RMND5B: variants seen among roughly 807,000 people sequenced by gnomAD.
RMND5B encodes required for meiotic nuclear division 5 homolog B.
In RMND5B, 42 loss-of-function variants were observed where a neutral mutation model predicts 50.4. That is an observed-to-expected ratio of 0.83 (90% CI 0.65 to 1.08). RMND5B has a LOEUF of 1.08. Among genes scored for constraint, RMND5B ranks in the 50% least tolerant of loss-of-function variants. RMND5B has a pLI of 0.00. For synonymous variants in RMND5B, 220 were observed against 210.0 expected, an observed-to-expected ratio of 1.05 and a Z score of -0.41; for missense variants, 463 against 508.5, an observed-to-expected ratio of 0.91 and a Z score of 0.86.
In RMND5B at chr5:178,144,003, C is replaced by T; in HGVS notation, c.589C>T (p.His197Tyr). ...CAACAGCTCCCTGGAGTTCAAGCTG[C>T]ACCGACTGCACTTCATCCGCCTCTT... Reference protein sequence around the residue: ...ELNSSLEFKLHRLHFIRLLAG... With the variant: ...ELNSSLEFKLYRLHFIRLLAG... Residue 197 changes from histidine to tyrosine, a missense_variant, in exon 7 of 11, where the codon CAC (histidine) becomes TAC (tyrosine). Transcript: ENST00000313386. 1 of 1,614,266 alleles carries T rather than the reference C, an allele frequency of 6.2e-7. No homozygotes were observed. Among genetic ancestry groups the T allele is most frequent in the East Asian group, 2.2e-5 (1 of 44,886 alleles).
chr5:178,132,889 C>CGG lies in RMND5B; in HGVS notation c.-13+1513_-13+1514insGG, dbSNP rs1554096809. The stretch of plus-strand genomic sequence containing the variant: ...TGTTTGTTTGTTTGTTTTTTTGAGA[C>CGG]AGTCTCACTCTGTCGCCCAGGCTGG... On this transcript the variant is annotated intron_variant, in intron 2 of 10. Coordinates refer to ENST00000313386, the MANE Select transcript of RMND5B (RefSeq NM_022762.5). Among the ~76,000 whole-genome samples, 14 of 148,166 alleles carry CGG rather than the reference C, an allele frequency of 9.4e-5. No homozygotes were observed. The East Asian group carries it at 2.4e-3, about 25-fold the overall frequency.
chr5:178,148,468 C>G lies in RMND5B; in HGVS notation c.*436C>G, dbSNP rs887204874. 2.0e-5 allele frequency: 5 copies of G among 250,792 alleles called. No homozygotes were observed. The highest frequency in any genetic ancestry group is 5.1e-5 in the Admixed American group (1 of 19,762). The allele number at this position is 250,792 out of a possible 1,614,324, so 15.5% of individuals were successfully genotyped here. A position where few individuals can be genotyped will look rare whatever the true frequency, so the allele number is the denominator to read the frequency against. On this transcript the variant is annotated 3_prime_UTR_variant, in exon 11 of 11. Transcript: ENST00000313386. ...GGCCCACCTCTTCCTCCCACTACAGCCTCAACAGTATGTACCATCTCCCAC... is the reference window on the plus strand; with the variant it reads ...GGCCCACCTCTTCCTCCCACTACAGGCTCAACAGTATGTACCATCTCCCAC...
intron 3 of RMND5B, among the ~76,000 whole-genome samples, chr5:178,140,718 T>C (rs1193985204): frequency 6.6e-6 from 1 of 151,652 alleles, no homozygotes; most frequent in Non-Finnish European, 1.5e-5. Flanking sequence ...TAGTCCCAGC[T>C]ACTTGGGAGG....
Position 178,149,853 on chromosome 5 carries a change from G to A in RMND5B, c.*1821G>A, listed in dbSNP as rs755971433. 19 of 1,612,854 alleles carry A rather than the reference G, an allele frequency of 1.2e-5. No individual in the cohort carries two copies. Among genetic ancestry groups the A allele is most frequent in the Non-Finnish European group, 1.5e-5 (18 of 1,179,390 alleles). On this transcript the variant is annotated 3_prime_UTR_variant, in exon 11 of 11. Coordinates refer to ENST00000313386, the MANE Select transcript of RMND5B (RefSeq NM_022762.5). ...GCACCCAGGTCCTACAGAGGGGAAAGAAGTGCTGTTTGGAAAAAAGCTGTA... is the reference window on the plus strand; with the variant it reads ...GCACCCAGGTCCTACAGAGGGGAAAAAAGTGCTGTTTGGAAAAAAGCTGTA...
Position 178,138,156 on chromosome 5 carries a change from A to G in RMND5B, c.37A>G (p.Lys13Glu). 1 of 1,612,250 alleles carries G rather than the reference A, an allele frequency of 6.2e-7. No individual in the cohort carries two copies. The highest frequency in any genetic ancestry group is 8.5e-7 in the Non-Finnish European group (1 of 1,179,236). Residue 13 changes from lysine to glutamate, a missense_variant, in exon 3 of 11, where the codon AAG becomes GAG. Physicochemically the swap from Lys to Glu is moderately conservative, Grantham distance 56 (BLOSUM62 1). Coordinates refer to ENST00000313386, the MANE Select transcript of RMND5B (RefSeq NM_022762.5). The surrounding 1 kb of genome is among the most constrained non-coding windows in gnomAD (Gnocchi z 5.1). ...TGCGTGCGTGGAGAGAGAGCTGGAC[A>G]AGGTCCTGCAGAAGTTCCTGACCTA... The part of the protein sequence containing the change: ...QCACVERELD[K>E]VLQKFLTYGQ...
At position 178,149,058 on chromosome 5, in the gene RMND5B, G is replaced by C. The variant is rs963980660; in HGVS notation, c.*1026G>C. On this transcript the variant is annotated 3_prime_UTR_variant, in exon 11 of 11. Coordinates refer to ENST00000313386, the MANE Select transcript of RMND5B (RefSeq NM_022762.5). ...CCATTATGTTAAGCAAGAGAGCTCGGGGGAATGCATTTTAGCTTCATATTC... is the reference window on the plus strand; with the variant it reads ...CCATTATGTTAAGCAAGAGAGCTCGCGGGAATGCATTTTAGCTTCATATTC... The C allele has an allele frequency of 6.6e-6, 1 of 152,436 alleles. No homozygotes were observed. Among genetic ancestry groups the C allele is most frequent in the African/African-American group, 2.4e-5 (1 of 41,458 alleles). 9.4% of individuals were successfully genotyped at this position (152,436 alleles called of 1,614,324 possible).
rs945095702 is a variant in RMND5B at position 178,148,093 on chromosome 5, G to C, written c.*61G>C. 1.4e-5 allele frequency: 22 copies of C among 1,544,052 alleles called. No homozygotes were observed. The highest frequency in any genetic ancestry group is 1.9e-5 in the Non-Finnish European group (21 of 1,116,714). On this transcript the variant is annotated 3_prime_UTR_variant, in exon 11 of 11. Coordinates refer to ENST00000313386, the MANE Select transcript of RMND5B (RefSeq NM_022762.5). Reference sequence around the variant, plus strand: ...TCACCTGTGAGCCTTGGTCTGTCTCGGTAGGGTGGTCAACTTCAGTGGACT... The same window carrying C: ...TCACCTGTGAGCCTTGGTCTGTCTCCGTAGGGTGGTCAACTTCAGTGGACT...
At position 178,149,903 on chromosome 5, in the gene RMND5B, AACT is replaced by A; in HGVS notation, c.*1872_*1874del. The A allele has an allele frequency of 6.3e-7, 1 of 1,575,284 alleles. No homozygotes were observed. The highest frequency in any genetic ancestry group is 8.7e-7 in the Non-Finnish European group (1 of 1,151,692). The stretch of plus-strand genomic sequence containing the variant: ...ACAACCTGTATGCCAGGAAGTCACC[AACT>A]GATGACCCACCAGCCTAATCTGGCC... On this transcript the variant is annotated 3_prime_UTR_variant, in exon 11 of 11. Transcript: ENST00000313386.
At chr5:178,146,412 T>C in intron 8 of RMND5B, 133 bp downstream of exon 8, 1 of 792,228 alleles carries the variant, frequency 1.3e-6, no homozygotes, top group Non-Finnish European at 2.0e-6. Flanking sequence ...TTAGTCATTC[T>C]TCAGGAGAGG....
chr5:178,137,541 TAGAC>T lies in RMND5B; in HGVS notation c.-12-564_-12-561del, dbSNP rs894473190. 1.3e-3 allele frequency among the ~76,000 whole-genome samples: 205 copies of T among 151,864 alleles called. No homozygotes were observed. The highest frequency in any genetic ancestry group is 4.7e-3 in the African/African-American group (196 of 41,388). On this transcript the variant is annotated intron_variant, in intron 2 of 10. Coordinates refer to ENST00000313386, the MANE Select transcript of RMND5B (RefSeq NM_022762.5). This position sits in a 1 kb window ranked among gnomAD's most constrained non-coding sequence, Gnocchi z 4.4. ...GTCTCTACGAAAAAAAATTTTAAAT[TAGAC>T]AGGTGTAGAAGCACACTCCTGTGGT...
chr5:178,150,449 T>C lies in RMND5B; in HGVS notation c.*2417T>C, dbSNP rs1756246333. 1 of 352,040 alleles carries C rather than the reference T, an allele frequency of 2.8e-6. No homozygotes were observed. Among genetic ancestry groups the C allele is most frequent in the Non-Finnish European group, 5.6e-6 (1 of 178,784 alleles). 21.8% of individuals were successfully genotyped at this position (352,040 alleles called of 1,614,324 possible). Reference sequence around the variant, plus strand: ...TCTGGAGTGTGGTGGTGTATGATCATGGCTCACTGCAGCCTTGAACTCCTG... The same window carrying C: ...TCTGGAGTGTGGTGGTGTATGATCACGGCTCACTGCAGCCTTGAACTCCTG... On this transcript the variant is annotated 3_prime_UTR_variant, in exon 11 of 11. Coordinates refer to ENST00000313386, the MANE Select transcript of RMND5B (RefSeq NM_022762.5).
At chr5:178,140,500 A>G (rs1279742019) in intron 3 of RMND5B, among the ~76,000 whole-genome samples, 1 of 151,960 alleles carries the variant, frequency 6.6e-6, no homozygotes, top group Non-Finnish European at 1.5e-5. Context: ...CTTAGTTAAG[A>G]TGGTCGCTGC....
intron 2 of RMND5B, chr5:178,135,938 G>A (rs1386628239): frequency 1.3e-5 from 2 of 152,182 alleles, no homozygotes; most frequent in African/African-American, 4.8e-5. Flanking sequence ...CACGAGCTCT[G>A]TGGTTAATTT....
Position 178,147,870 on chromosome 5 carries a change from A to G in RMND5B, c.1105A>G (p.Ile369Val). ...VISRDALNKL[I>V]NGGKLKCPYC... ...CTCCCGAGATGCACTCAATAAGCTCATTAATGGAGGAAAGTAAGTTCCCCG... is the reference window on the plus strand; with the variant it reads ...CTCCCGAGATGCACTCAATAAGCTCGTTAATGGAGGAAAGTAAGTTCCCCG... Residue 369 changes from isoleucine (I) to valine (V), a missense_variant, in exon 10 of 11, where the codon ATT (isoleucine) becomes GTT (valine). Physicochemically the swap from Ile to Val is conservative, Grantham distance 29. Transcript: ENST00000313386. The G allele has an allele frequency of 1.2e-6, 2 of 1,613,720 alleles. No individual in the cohort carries two copies. The highest frequency in any genetic ancestry group is 2.2e-5 in the South Asian group (2 of 91,064).
rs748888712 is a variant in RMND5B, at chr5:178,147,800, G to A, written c.1035G>A (p.Thr345=). Residue 345 remains threonine (T), a synonymous_variant, in exon 10 of 11, where the codon ACG becomes ACA. Coordinates refer to ENST00000313386, the MANE Select transcript of RMND5B (RefSeq NM_022762.5). The part of the protein sequence containing the change: ...VFACPILRQQ[T]SDSNPPIKLI... The stretch of plus-strand genomic sequence containing the variant: ...CTTGCCCCATCCTCCGCCAGCAGAC[G>A]TCAGATTCCAACCCTCCCATCAAGC... The A allele has an allele frequency of 1.1e-5, 17 of 1,614,118 alleles. No individual in the cohort carries two copies. In the South Asian group the frequency reaches 1.4e-4, roughly 14 times the overall value.
rs1174343326 is a variant in RMND5B, at chr5:178,137,090, G to A, written c.-12-1018G>A. 6.6e-6 allele frequency among the ~76,000 whole-genome samples: 1 copy of A among 152,162 alleles called. No individual in the cohort carries two copies. Among genetic ancestry groups the A allele is most frequent in the Non-Finnish European group, 1.5e-5 (1 of 68,044 alleles). The stretch of plus-strand genomic sequence containing the variant: ...ACGTCTGAGCTAACTCAGAAGTGAT[G>A]GGCCAGCCTCTCAAGTAGTCGAGGA... On this transcript the variant is annotated intron_variant, in intron 2 of 10. Transcript: ENST00000313386. This position sits in a 1 kb window ranked among gnomAD's most constrained non-coding sequence, Gnocchi z 4.4.
intron 3 of RMND5B, among the ~76,000 whole-genome samples, chr5:178,139,533 A>G (rs996512073): frequency 8.0e-6 from 1 of 125,526 alleles, no homozygotes. Context: ...CAATTTTGCC[A>G]TTGTCCCAGG....
chr5:178,139,407 A>G (rs916742272), intron 3 of RMND5B, among the ~76,000 whole-genome samples: 1 of 151,914 alleles, frequency 6.6e-6, no homozygotes, highest in African/African-American at 2.4e-5. Flanking sequence ...GGGTTTTGAC[A>G]TGTTGGCTAG....
Position 178,148,231 on chromosome 5 carries a change from C to T in RMND5B, c.*199C>T. On this transcript the variant is annotated 3_prime_UTR_variant, in exon 11 of 11. Coordinates refer to ENST00000313386, the MANE Select transcript of RMND5B (RefSeq NM_022762.5). ...ACCAGCCCACGCCTGGCACCTGGCT[C>T]CATGGCATAAGGAAAGGGAGATGCT... 1.6e-6 allele frequency: 1 copy of T among 609,280 alleles called. No homozygotes were observed. The highest frequency in any genetic ancestry group is 2.9e-6 in the Non-Finnish European group (1 of 342,614). The allele number at this position is 609,280 out of a possible 1,614,324, so 37.7% of individuals were successfully genotyped here.
Sources: gnomAD v4.1 joint callset for allele counts (sites outside exome capture counted in the v4.1 genomes callset) on GRCh38, gnomAD v4.1.1 for gene constraint, Gnocchi (gnomAD v3.1) non-coding constraint, MANE v1.5 for transcripts, NCBI Gene and HGNC (gene_info 2026-07-23, HGNC 2026-07-21) for gene names.